DCC: variants seen among roughly 807,000 people sequenced by gnomAD.
DCC encodes DCC netrin 1 receptor.
A neutral mutation model predicts 172.5 loss-of-function variants in DCC; 58 were observed. That is an observed-to-expected ratio of 0.34 (90% CI 0.27 to 0.42). DCC has a LOEUF of 0.42. Ranked by LOEUF, DCC falls within the 10% of genes least tolerant of loss-of-function variation. The probability of loss-of-function intolerance (pLI) is 1.00; values close to 1 mark genes in which losing one functional copy is unlikely to be tolerated. For missense variants in DCC, 1,740 were observed against 1,791.0 expected, an observed-to-expected ratio of 0.97 and a Z score of 0.51; for synonymous variants, 709 against 644.5, an observed-to-expected ratio of 1.10 and a Z score of -1.52.
At chr18:52,748,042 C>G (rs1240253798) in intron 1 of DCC, among the ~76,000 whole-genome samples, 1 of 152,180 alleles carries the variant, frequency 6.6e-6, no homozygotes, top group African/African-American at 2.4e-5. Context: ...GCTCGTGCTA[C>G]GACCCCTGAT....
intron 15 of DCC, among the ~76,000 whole-genome samples, chr18:53,374,507 C>A (rs1250965750): frequency 1.3e-5 from 2 of 152,164 alleles, no homozygotes; most frequent in African/African-American, 4.8e-5. Flanking sequence ...CAAAAGATGT[C>A]ACCCATTGAA....
intron 1 of DCC, among the ~76,000 whole-genome samples, chr18:52,554,128 CA>C (rs2032848294): frequency 6.6e-6 from 1 of 151,998 alleles, no homozygotes; most frequent in South Asian, 2.1e-4. Context: ...TTACTGTTAT[CA>C]GGGTTAATTA....
At chr18:52,356,290 C>T (rs556557435) in intron 1 of DCC, among the ~76,000 whole-genome samples, 49 of 152,246 alleles carry the variant, frequency 3.2e-4, no homozygotes, top group Non-Finnish European at 4.7e-4. Context: ...CATATTTAGG[C>T]TCCTGCACTA....
chr18:52,911,567 A>G (rs115877631), intron 3 of DCC, among the ~76,000 whole-genome samples: 533 of 152,062 alleles, frequency 3.5e-3, no homozygotes, highest in African/African-American at 0.012. Context: ...TAGGGAATTT[A>G]TGCCTAGGAA....
chr18:53,338,169 C>T (rs2057613106), intron 14 of DCC, among the ~76,000 whole-genome samples: 1 of 152,198 alleles, frequency 6.6e-6, no homozygotes, highest in African/African-American at 2.4e-5. Context: ...TCTATCGTAG[C>T]TGCCTTTTTA....
At chr18:52,663,286 A>G (rs983236925) in intron 1 of DCC, among the ~76,000 whole-genome samples, 5 of 152,188 alleles carry the variant, frequency 3.3e-5, no homozygotes, top group African/African-American at 1.2e-4. Flanking sequence ...GGAAAGAACC[A>G]ATAAAGAGGA....
chr18:52,587,359 A>G (rs1271531099), intron 1 of DCC, among the ~76,000 whole-genome samples: 1 of 152,176 alleles, frequency 6.6e-6, no homozygotes, highest in African/African-American at 2.4e-5. Context: ...TGGCTGGGGA[A>G]AGAGGCTGAG....
At chr18:52,345,266 G>A (rs1233017952) in intron 1 of DCC, among the ~76,000 whole-genome samples, 2 of 152,094 alleles carry the variant, frequency 1.3e-5, no homozygotes, top group Non-Finnish European at 2.9e-5. Flanking sequence ...GATTAACTAA[G>A]GATAAAAAGT....
intron 5 of DCC, among the ~76,000 whole-genome samples, chr18:53,024,918 A>G (rs1460568068): frequency 1.3e-5 from 2 of 152,142 alleles, no homozygotes; most frequent in Non-Finnish European, 2.9e-5. Flanking sequence ...TTGACCTACC[A>G]TCTTCATAGA....
At chr18:52,619,253 T>G (rs2034438256) in intron 1 of DCC, among the ~76,000 whole-genome samples, 1 of 152,244 alleles carries the variant, frequency 6.6e-6, no homozygotes, top group African/African-American at 2.4e-5. Context: ...CCATTCTATT[T>G]TGTATAAATA....
At chr18:52,673,160 A>G (rs1344108936) in intron 1 of DCC, among the ~76,000 whole-genome samples, 1 of 152,226 alleles carries the variant, frequency 6.6e-6, no homozygotes, top group Non-Finnish European at 1.5e-5. Flanking sequence ...AGTGGGTTAG[A>G]AGAAGGTAGA....
chr18:52,797,667 C>T (rs1328204469), intron 2 of DCC, among the ~76,000 whole-genome samples: 1 of 152,118 alleles, frequency 6.6e-6, no homozygotes, highest in Admixed American at 6.5e-5. Flanking sequence ...TGACCTCAGG[C>T]CTCTGGATGG....
intron 1 of DCC, among the ~76,000 whole-genome samples, chr18:52,497,074 C>G (rs1391715293): frequency 6.6e-6 from 1 of 150,906 alleles, no homozygotes; most frequent in Non-Finnish European, 1.5e-5. Context: ...GACAACATGA[C>G]AAGACTTCAT....
intron 1 of DCC, among the ~76,000 whole-genome samples, chr18:52,646,910 G>A (rs1238430600): frequency 6.6e-6 from 1 of 152,102 alleles, no homozygotes; most frequent in Non-Finnish European, 1.5e-5. Context: ...TGGTCTTTTT[G>A]ACGACCATCC....
Position 53,305,670 on chromosome 18 carries a change from G to C in DCC, c.2004G>C (p.Arg668Ser). The C allele has an allele frequency of 6.2e-7, 1 of 1,614,046 alleles. No homozygotes were observed. The highest frequency in any genetic ancestry group is 8.5e-7 in the Non-Finnish European group (1 of 1,179,942). ...YKIRHRKTTR[R>S]GEMETLEPNN... ...TTCGACACAGAAAGACGACCCGCAG[G>C]GGTGAGATGGAAACACTGGAGCCAA... The change falls in exon 13 of 29, where the codon AGG becomes AGC. Residue 668 changes from arginine (R) to serine (S), a missense_variant. By Grantham distance (110) the Arg-to-Ser change is moderately radical (BLOSUM62 -1). Transcript: ENST00000442544.
In DCC at chr18:53,380,021, A is replaced by G. The variant is rs1477348006; in HGVS notation, c.2360-6022A>G. Among the ~76,000 whole-genome samples, 5 of 152,156 alleles carry G rather than the reference A, an allele frequency of 3.3e-5. No homozygotes were observed. The South Asian group carries it at 1.0e-3, about 32-fold the overall frequency. Reference sequence around the variant, plus strand: ...AAATTTTTAAGCCTATATATTTGCAACATTTTAGCAAGTACAAAAAAATAC... The same window carrying G: ...AAATTTTTAAGCCTATATATTTGCAGCATTTTAGCAAGTACAAAAAAATAC... On this transcript the variant is annotated intron_variant, in intron 15 of 28. Coordinates refer to ENST00000442544, the MANE Select transcript of DCC (RefSeq NM_005215.4).
At chr18:52,443,868 C>T (rs1988043448) in intron 1 of DCC, among the ~76,000 whole-genome samples, 1 of 152,010 alleles carries the variant, frequency 6.6e-6, no homozygotes, top group Non-Finnish European at 1.5e-5. Flanking sequence ...GAGTTAGAGA[C>T]AGAGACGGGA....
chr18:53,426,740 C>T (rs1466586869), intron 21 of DCC, among the ~76,000 whole-genome samples: 1 of 152,030 alleles, frequency 6.6e-6, no homozygotes, highest in East Asian at 1.9e-4. Flanking sequence ...CTGCAATAGT[C>T]ATTTTATATT....
At chr18:53,305,862 C>A in intron 13 of DCC, 143 bp downstream of exon 13, 1 of 784,318 alleles carries the variant, frequency 1.3e-6, no homozygotes. Flanking sequence ...CAAGAACAAC[C>A]TTTATATTTT....
Sources: allele counts gnomAD v4.1 joint callset (sites outside exome capture counted in the v4.1 genomes callset), GRCh38; gene constraint gnomAD v4.1.1; transcripts MANE v1.5; gene names NCBI Gene and HGNC (gene_info 2026-07-23, HGNC 2026-07-21).